The following VSTM4 variants were observed in gnomAD, a reference collection of about 807,000 sequenced individuals.
VSTM4 encodes V-set and transmembrane domain containing 4.
Under a neutral mutation model 36.4 loss-of-function variants are expected in VSTM4, and 20 were observed. That is an observed-to-expected ratio of 0.55 (90% CI 0.39 to 0.80). The LOEUF is 0.80. Ranked by LOEUF, VSTM4 falls within the 30% of genes least tolerant of loss-of-function variation. VSTM4 has a pLI of 0.00. For missense variants in VSTM4, 392 were observed against 404.5 expected (o/e 0.97, Z 0.26); for synonymous variants, 182 against 173.9 (o/e 1.05, Z -0.37).
chr10:49,102,182 T>TCTCGCTCTGTCACCCAG (rs57153575), intron 2 of VSTM4: 1 of 152,256 alleles, frequency 6.6e-6, no homozygotes, highest in African/African-American at 2.4e-5. Flanking sequence ...GAGAGCGGAG[T>TCTCGCTCTGTCACCCAG]GCTGGAGTGC....
chr10:49,063,744 G>A (rs1029612538), intron 5 of VSTM4, among the ~76,000 whole-genome samples: 7 of 152,240 alleles, frequency 4.6e-5, no homozygotes, highest in Non-Finnish European at 1.0e-4. Flanking sequence ...CACACCCATG[G>A]AGATGAAGAA....
chr10:49,093,702 C>T (rs1317661272), intron 2 of VSTM4, among the ~76,000 whole-genome samples: 1 of 146,766 alleles, frequency 6.8e-6, no homozygotes, highest in Admixed American at 6.8e-5. Context: ...TCTTCACTTT[C>T]TAGAATCCTT....
At position 49,019,449 on chromosome 10, in the gene VSTM4, A is replaced by C; in HGVS notation, c.*201T>G. 1.9e-6 allele frequency: 1 copy of C among 535,270 alleles called. No homozygotes were observed. The highest frequency in any genetic ancestry group is 8.7e-5 in the South Asian group (1 of 11,522). 33.2% of individuals were successfully genotyped at this position (535,270 alleles called of 1,614,324 possible). A position where few individuals can be genotyped will look rare whatever the true frequency, so the allele number is the denominator to read the frequency against. ...ACCCAGGCGCATCTTGTCCCGGGAG[A>C]TCTGTCAAGAGCTGTGGCCCCGATT... On this transcript the variant is annotated 3_prime_UTR_variant, in exon 8 of 8. Coordinates refer to ENST00000332853, the MANE Select transcript of VSTM4 (RefSeq NM_001031746.5).
rs45489505 is a variant in VSTM4 at position 49,077,294 on chromosome 10, C to G, written c.559G>C (p.Val187Leu). ...LYVYAVLVCC[V>L]GILSILLFML... Reference sequence around the variant, plus strand: ...AAGAGCAGAATGCTGAGGATCCCCACGCAGCACACGAGGACAGCATACACA... The same window carrying G: ...AAGAGCAGAATGCTGAGGATCCCCAGGCAGCACACGAGGACAGCATACACA... The change falls in exon 4 of 8, where the codon GTG becomes CTG. Residue 187 changes from valine (V) to leucine (L), a missense_variant. Physicochemically the swap from Val to Leu is conservative, Grantham distance 32 (BLOSUM62 1). Transcript: ENST00000332853. 2 of 1,614,170 alleles carry G rather than the reference C, an allele frequency of 1.2e-6. No individual in the cohort carries two copies. Among genetic ancestry groups the G allele is most frequent in the Non-Finnish European group, 1.7e-6 (2 of 1,180,024 alleles).
intron 2 of VSTM4, among the ~76,000 whole-genome samples, chr10:49,090,774 T>C (rs1264728898): frequency 1.3e-5 from 2 of 152,104 alleles, no homozygotes; most frequent in Non-Finnish European, 2.9e-5. Context: ...TCCCAGCAAA[T>C]AGCTGGCATG....
At chr10:49,108,994 G>A (rs1020249018) in intron 1 of VSTM4, among the ~76,000 whole-genome samples, 6 of 152,160 alleles carry the variant, frequency 3.9e-5, no homozygotes, top group African/African-American at 1.4e-4. Context: ...GGCAGGCAGG[G>A]CCCGAGAAAA....
chr10:49,065,653 C>T (rs1470805830), intron 4 of VSTM4, among the ~76,000 whole-genome samples: 1 of 152,188 alleles, frequency 6.6e-6, no homozygotes, highest in East Asian at 1.9e-4. Flanking sequence ...CCCCGAACAA[C>T]CAGGTCCCAG....
At chr10:49,053,503 G>A (rs987176909) in intron 5 of VSTM4, among the ~76,000 whole-genome samples, 18 of 152,332 alleles carry the variant, frequency 1.2e-4, no homozygotes, top group African/African-American at 4.3e-4. Flanking sequence ...CCACCAATCT[G>A]TAAAAGGGGA....
chr10:49,053,562 G>C (rs141683392), intron 5 of VSTM4, among the ~76,000 whole-genome samples: 202 of 152,340 alleles, frequency 1.3e-3, no homozygotes, highest in African/African-American at 4.7e-3. Flanking sequence ...TCAGATGAGA[G>C]AGCATAGCCT....
intron 4 of VSTM4, among the ~76,000 whole-genome samples, chr10:49,074,656 C>T (rs990501921): frequency 1.3e-5 from 2 of 152,174 alleles, no homozygotes. Context: ...GCAAGACCTG[C>T]CCTGCCAATG....
chr10:49,096,058 G>A lies in VSTM4; in HGVS notation c.458-10035C>T, dbSNP rs538437228. 2.0e-5 allele frequency among the ~76,000 whole-genome samples: 3 copies of A among 152,346 alleles called. No individual in the cohort carries two copies. The East Asian group carries it at 5.8e-4, about 29-fold the overall frequency. On this transcript the variant is annotated intron_variant, in intron 2 of 7. Transcript: ENST00000332853. ...GGTTGTCAATTTGATTCCTTTGAGT[G>A]TCTGGACCTGTTGACACTTTAAACA...
At chr10:49,108,835 G>T (rs764670043) in intron 1 of VSTM4, among the ~76,000 whole-genome samples, 1 of 152,056 alleles carries the variant, frequency 6.6e-6, no homozygotes, top group Non-Finnish European at 1.5e-5. Context: ...GACCTGTGAT[G>T]GAGCCACCCC....
Position 49,024,935 on chromosome 10 carries a change from T to A in VSTM4, c.838-5160A>T, listed in dbSNP as rs534390004. ...TAAGACCTCAGAATGTGACTCTATTTGCAGATGGGTTTTTTTAAAGAGGTA... is the reference window on the plus strand; with the variant it reads ...TAAGACCTCAGAATGTGACTCTATTAGCAGATGGGTTTTTTTAAAGAGGTA... On this transcript the variant is annotated intron_variant, in intron 7 of 7. Coordinates refer to ENST00000332853, the MANE Select transcript of VSTM4 (RefSeq NM_001031746.5). 5.4e-5 allele frequency among the ~76,000 whole-genome samples: 5 copies of A among 92,968 alleles called. 1 individual carries two copies. In the East Asian group the frequency reaches 1.6e-3, roughly 29 times the overall value. The allele number at this position is 92,968 out of a possible 152,430, so 61.0% of individuals were successfully genotyped here.
intron 7 of VSTM4, among the ~76,000 whole-genome samples, chr10:49,021,657 C>T (rs1843183779): frequency 6.6e-6 from 1 of 151,724 alleles, no homozygotes; most frequent in Admixed American, 6.6e-5. Flanking sequence ...TAAAGTCACA[C>T]TTAGACATCA....
intron 6 of VSTM4, among the ~76,000 whole-genome samples, chr10:49,047,616 A>G (rs1843632933): frequency 2.6e-5 from 4 of 152,170 alleles, no homozygotes; most frequent in Admixed American, 2.6e-4. Flanking sequence ...GGAATGAACG[A>G]CATCGAGCAG....
At chr10:49,087,372 A>T (rs556340421) in intron 2 of VSTM4, among the ~76,000 whole-genome samples, 5 of 152,128 alleles carry the variant, frequency 3.3e-5, no homozygotes, top group Non-Finnish European at 7.4e-5. Flanking sequence ...CCTTTCTGTT[A>T]TCTGTTTTTG....
Position 49,107,911 on chromosome 10 carries a change from T to C in VSTM4, c.140A>G (p.His47Arg), listed in dbSNP as rs867428407. ...GTCCTTCCGCCTTTTCTGGGAGACGTGGCAGAGGAGAGTGGCATTCTCCCC... is the reference window on the plus strand; with the variant it reads ...GTCCTTCCGCCTTTTCTGGGAGACGCGGCAGAGGAGAGTGGCATTCTCCCC... ...LEGENATLLC[H>R]VSQKRRKDSL... The change falls in exon 2 of 8, where the codon CAC (histidine) becomes CGC (arginine). Residue 47 changes from histidine to arginine, a missense_variant. Coordinates refer to ENST00000332853, the MANE Select transcript of VSTM4 (RefSeq NM_001031746.5). 4.3e-6 allele frequency: 7 copies of C among 1,613,788 alleles called. No individual in the cohort carries two copies. In the African/African-American group the frequency reaches 9.3e-5, roughly 22 times the overall value.
At chr10:49,074,784 G>T (rs1033135425) in intron 4 of VSTM4, among the ~76,000 whole-genome samples, 9 of 152,192 alleles carry the variant, frequency 5.9e-5, no homozygotes, top group Admixed American at 6.5e-5. Context: ...CCTTGGCAAG[G>T]TCAGCCCCCG....
At chr10:49,071,235 C>T (rs1160766570) in intron 4 of VSTM4, among the ~76,000 whole-genome samples, 1 of 152,198 alleles carries the variant, frequency 6.6e-6, no homozygotes, top group Non-Finnish European at 1.5e-5. Flanking sequence ...AAAAACTGCA[C>T]ATTTAAAAGC....
Sources: allele counts gnomAD v4.1 joint callset (sites outside exome capture counted in the v4.1 genomes callset), GRCh38; gene constraint gnomAD v4.1.1; transcripts MANE v1.5; gene names NCBI Gene and HGNC (gene_info 2026-07-23, HGNC 2026-07-21).